The following MAN2A1 variants were observed in gnomAD, a reference collection of about 807,000 sequenced individuals.
The protein encoded by MAN2A1 is mannosidase alpha class 2A member 1.
Under a neutral mutation model 142.6 loss-of-function variants are expected in MAN2A1, and 76 were observed. That is an observed-to-expected ratio of 0.53 (90% CI 0.44 to 0.65). The LOEUF (loss-of-function observed/expected upper bound fraction) is 0.65, where lower values mean the gene tolerates loss of function less well. Among genes scored for constraint, MAN2A1 ranks in the 30% least tolerant of loss-of-function variants. MAN2A1 has a pLI of 0.00. For missense variants in MAN2A1, 1,311 were observed against 1,365.1 expected, an observed-to-expected ratio of 0.96 and a Z score of 0.62; for synonymous variants, 559 against 473.2, an observed-to-expected ratio of 1.18 and a Z score of -2.35.
At chr5:109,733,572 GTGT>G (rs1216294244) in intron 4 of MAN2A1, among the ~76,000 whole-genome samples, 4 of 152,120 alleles carry the variant, frequency 2.6e-5, no homozygotes, top group Non-Finnish European at 4.4e-5. Context: ...TTAGCATGAA[GTGT>G]TGTTGAATTT....
At chr5:109,703,490 A>G (rs1211812796) in intron 1 of MAN2A1, among the ~76,000 whole-genome samples, 1 of 152,212 alleles carries the variant, frequency 6.6e-6, no homozygotes, top group Non-Finnish European at 1.5e-5. Context: ...ATATCACATG[A>G]ACCTTCATGC....
intron 7 of MAN2A1, among the ~76,000 whole-genome samples, 164 bp downstream of exon 7, chr5:109,770,705 A>C (rs1753123471): frequency 6.6e-6 from 1 of 152,140 alleles, no homozygotes. Context: ...CAGAGCCTTG[A>C]CTATGCCGGT....
At chr5:109,814,194 T>G (rs1754393219) in intron 12 of MAN2A1, among the ~76,000 whole-genome samples, 1 of 152,202 alleles carries the variant, frequency 6.6e-6, no homozygotes, top group African/African-American at 2.4e-5. Flanking sequence ...TCTGAAGATA[T>G]AAACATAATT....
intron 5 of MAN2A1, among the ~76,000 whole-genome samples, chr5:109,764,752 T>C (rs1271508617): frequency 6.6e-6 from 1 of 152,192 alleles, no homozygotes; most frequent in African/African-American, 2.4e-5. Flanking sequence ...CTATAAACTC[T>C]TTGACATCAC....
chr5:109,711,284 G>A (rs1751293366), intron 1 of MAN2A1, among the ~76,000 whole-genome samples: 1 of 152,160 alleles, frequency 6.6e-6, no homozygotes, highest in Non-Finnish European at 1.5e-5. Flanking sequence ...ACCTGCTGTG[G>A]TAAATTTGTA....
chr5:109,695,690 A>C (rs1750792607), intron 1 of MAN2A1, among the ~76,000 whole-genome samples: 1 of 152,182 alleles, frequency 6.6e-6, no homozygotes, highest in South Asian at 2.1e-4. Flanking sequence ...TGTCTTGGTA[A>C]AAGTTCCTGA....
intron 12 of MAN2A1, among the ~76,000 whole-genome samples, chr5:109,792,448 A>G (rs1392698557): frequency 1.3e-5 from 2 of 151,978 alleles, no homozygotes; most frequent in Non-Finnish European, 2.9e-5. Flanking sequence ...TATTTATTAC[A>G]TGAAGTTATC....
chr5:109,700,866 G>A (rs1384411924), intron 1 of MAN2A1, among the ~76,000 whole-genome samples: 3 of 152,184 alleles, frequency 2.0e-5, no homozygotes, highest in Non-Finnish European at 4.4e-5. Context: ...AAAATTTACT[G>A]GGTTAGGTAA....
At chr5:109,727,696 G>T (rs1295931728) in intron 3 of MAN2A1, among the ~76,000 whole-genome samples, 1 of 152,202 alleles carries the variant, frequency 6.6e-6, no homozygotes, top group Admixed American at 6.5e-5. Context: ...GGAAAGGGCA[G>T]TTAAAGACTG....
At chr5:109,701,099 C>G (rs773876994) in intron 1 of MAN2A1, among the ~76,000 whole-genome samples, 17 of 152,148 alleles carry the variant, frequency 1.1e-4, no homozygotes, top group Non-Finnish European at 2.2e-4. Context: ...GTAGCAGGCA[C>G]TGTTCTAGGT....
intron 19 of MAN2A1, among the ~76,000 whole-genome samples, chr5:109,849,518 T>C (rs959344528): frequency 1.3e-5 from 2 of 152,156 alleles, no homozygotes; most frequent in Non-Finnish European, 2.9e-5. Context: ...CCCATCAGCC[T>C]TTTCTCACAG....
intron 4 of MAN2A1, among the ~76,000 whole-genome samples, chr5:109,733,890 G>A (rs1048703924): frequency 2.0e-5 from 3 of 152,100 alleles, no homozygotes; most frequent in Non-Finnish European, 2.9e-5. Context: ...ATGAGTTAGG[G>A]AGGATTCCCT....
intron 19 of MAN2A1, among the ~76,000 whole-genome samples, chr5:109,851,060 C>G (rs1755469499): frequency 1.3e-5 from 2 of 151,984 alleles, no homozygotes; most frequent in South Asian, 4.1e-4. Flanking sequence ...GGGGATACTC[C>G]CTGAATAGGA....
At chr5:109,739,143 G>C (rs528934064) in intron 4 of MAN2A1, among the ~76,000 whole-genome samples, 64 of 152,136 alleles carry the variant, frequency 4.2e-4, no homozygotes, top group Non-Finnish European at 8.2e-4. Context: ...TGCTCAGTCC[G>C]TATAATGGGA....
chr5:109,817,404 A>T lies in MAN2A1; in HGVS notation c.2075A>T (p.Asp692Val), dbSNP rs747625096. The T allele has an allele frequency of 6.2e-7, 1 of 1,613,958 alleles. No individual in the cohort carries two copies. Among genetic ancestry groups the T allele is most frequent in the Non-Finnish European group, 8.5e-7 (1 of 1,179,978 alleles). The change falls in exon 13 of 22, where the codon GAT becomes GTT. Residue 692 changes from aspartate (D) to valine (V), a missense_variant. Coordinates refer to ENST00000261483, the MANE Select transcript of MAN2A1 (RefSeq NM_002372.4). ...PVEVQVSAVW[D>V]TANTISETAY... ...GAAGTTCAAGTCAGCGCAGTTTGGGATACAGCAAATACTATTTCAGAAACA... is the reference window on the plus strand; with the variant it reads ...GAAGTTCAAGTCAGCGCAGTTTGGGTTACAGCAAATACTATTTCAGAAACA...
At chr5:109,734,360 C>G (rs1419791662) in intron 4 of MAN2A1, among the ~76,000 whole-genome samples, 1 of 146,760 alleles carries the variant, frequency 6.8e-6, no homozygotes, top group African/African-American at 2.5e-5. Context: ...TTTTTTGTGT[C>G]TCTATCTCCT....
At chr5:109,784,239 G>A (rs987922618) in intron 9 of MAN2A1, among the ~76,000 whole-genome samples, 2 of 152,072 alleles carry the variant, frequency 1.3e-5, no homozygotes, top group Non-Finnish European at 1.5e-5. Context: ...CCTTTCCCCT[G>A]AACTATTCTT....
chr5:109,840,142 C>G (rs1459769506), intron 16 of MAN2A1: 1 of 187,646 alleles, frequency 5.3e-6, no homozygotes, highest in Admixed American at 5.9e-5. Flanking sequence ...GTTCCAGTTT[C>G]TTCTCAAGGT....
intron 19 of MAN2A1, chr5:109,853,748 G>A (rs574019789): frequency 1.2e-4 from 18 of 152,102 alleles, no homozygotes; most frequent in Non-Finnish European, 2.5e-4. Context: ...AAAATATCTT[G>A]TTGAAATTGT....
Sources: allele counts gnomAD v4.1 joint callset (sites outside exome capture counted in the v4.1 genomes callset), GRCh38; gene constraint gnomAD v4.1.1; transcripts MANE v1.5; gene names NCBI Gene and HGNC (gene_info 2026-07-23, HGNC 2026-07-21).